The following ATRAID variants were observed in gnomAD, a reference collection of about 807,000 sequenced individuals.
ATRAID encodes all-trans retinoic acid-induced differentiation factor.
Under a neutral mutation model 28.8 loss-of-function variants are expected in ATRAID, and 26 were observed. The observed-to-expected ratio is 0.90, with a 90% CI of 0.66 to 1.25. The LOEUF (loss-of-function observed/expected upper bound fraction) is 1.25. ATRAID is among the 50% of genes most tolerant of loss of function. ATRAID has a pLI of 0.00. For synonymous variants in ATRAID, 131 were observed against 108.5 expected (o/e 1.21, Z -1.29); for missense variants, 308 against 285.9 (o/e 1.08, Z -0.56).
intron 2 of ATRAID, among the ~76,000 whole-genome samples, chr2:27,213,620 C>T (rs1329226177): frequency 2.0e-5 from 3 of 152,172 alleles, no homozygotes; most frequent in Non-Finnish European, 4.4e-5. Flanking sequence ...AGAAAACCAA[C>T]ATTTTCCATT....
Position 27,212,736 on chromosome 2 carries a change from C to T in ATRAID, c.99+269C>T, listed in dbSNP as rs1674636641. ...CTTTAAGTTCTTTCTACAGACGGGT[C>T]CTCTGCCTCTTGTGTAATCTCTCTA... On this transcript the variant is annotated intron_variant, in intron 1 of 6. Coordinates refer to ENST00000380171, the MANE Select transcript of ATRAID (RefSeq NM_001170795.4). 11 of 1,041,146 alleles carry T rather than the reference C, an allele frequency of 1.1e-5. No individual in the cohort carries two copies. The Admixed American group carries it at 1.1e-4, about 11-fold the overall frequency. The allele number at this position is 1,041,146 out of a possible 1,614,324, so 64.5% of individuals were successfully genotyped here.
At position 27,217,085 on chromosome 2, in the gene ATRAID, T is replaced by G. The variant is rs1674880202; in HGVS notation, c.*137T>G. The G allele has an allele frequency of 1.5e-6, 1 of 674,282 alleles. No homozygotes were observed. The highest frequency in any genetic ancestry group is 1.8e-5 in the African/African-American group (1 of 55,426). 41.8% of individuals were successfully genotyped at this position (674,282 alleles called of 1,614,324 possible). On this transcript the variant is annotated 3_prime_UTR_variant, in exon 7 of 7. Transcript: ENST00000380171. ...AGGCCGCCATTGGAAGATGAAAAAT[T>G]GCACTCCCTTGGTGTAGACAAATAC...
chr2:27,212,317 C>T lies in ATRAID; in HGVS notation c.-52C>T. The T allele has an allele frequency of 6.5e-7, 1 of 1,549,060 alleles. No individual in the cohort carries two copies. The highest frequency in any genetic ancestry group is 1.2e-5 in the South Asian group (1 of 83,976). ...GAAGAGGGCCTGACGCGCTGCGGGG[C>T]GGGGCCGCGGGGCCGGGTCGCGCGA... On this transcript the variant is annotated 5_prime_UTR_variant, in exon 1 of 7. Transcript: ENST00000380171.
In ATRAID at chr2:27,212,429, C is replaced by G; in HGVS notation, c.61C>G (p.Leu21Val). ...GGTGCCCTGGGCTGCCGCCCTGCTC[C>G]TCGCTCTGGGCGTGGAAAGGGCTCT... Reference protein sequence around the residue: ...TLVPWAAALLLALGVERALAL... With the variant: ...TLVPWAAALLVALGVERALAL... The change falls in exon 1 of 7, where the codon CTC becomes GTC. Residue 21 changes from leucine to valine, a missense_variant. Leu to Val is a conservative substitution (Grantham distance 32). Transcript: ENST00000380171. 1 of 1,558,398 alleles carries G rather than the reference C, an allele frequency of 6.4e-7. No homozygotes were observed. Among genetic ancestry groups the G allele is most frequent in the African/African-American group, 1.4e-5 (1 of 73,152 alleles).
Position 27,216,864 on chromosome 2 carries a change from GTTC to G in ATRAID, c.610_612del (p.Phe204del), listed in dbSNP as rs1205271918. 1 of 1,614,054 alleles carries G rather than the reference GTTC, an allele frequency of 6.2e-7. No individual in the cohort carries two copies. The highest frequency in any genetic ancestry group is 8.5e-7 in the Non-Finnish European group (1 of 1,180,014). ...CACAGGGCTCGTTCTCACTGCTTAT[GTTC>G]TTCGGGATTCTGGGAGCCACCACTC... On this transcript the variant is annotated inframe_deletion, in exon 7 of 7. Transcript: ENST00000380171.
At chr2:27,215,808 C>G (rs534351267) in intron 5 of ATRAID, 55 bp downstream of exon 5, 22 of 1,595,092 alleles carry the variant, frequency 1.4e-5, no homozygotes, top group Admixed American at 1.2e-4. Flanking sequence ...CTTGTATTTT[C>G]CACTTTAGAT....
intron 2 of ATRAID, among the ~76,000 whole-genome samples, chr2:27,214,134 A>G (rs1409264266): frequency 6.6e-6 from 1 of 152,048 alleles, no homozygotes; most frequent in African/African-American, 2.4e-5. Context: ...GGTTTCTTTT[A>G]TATTGTAATT....
chr2:27,215,559 T>C lies in ATRAID; in HGVS notation c.365+14T>C, dbSNP rs765122904. On this transcript the variant is annotated intron_variant, in intron 4 of 6. Coordinates refer to ENST00000380171, the MANE Select transcript of ATRAID (RefSeq NM_001170795.4). ...GCTCCAGACTCTGTGAGTAAGGGTATGGGAAGAGAATCAAAGAGGGATGAT... is the reference window on the plus strand; with the variant it reads ...GCTCCAGACTCTGTGAGTAAGGGTACGGGAAGAGAATCAAAGAGGGATGAT... 2 of 1,614,186 alleles carry C rather than the reference T, an allele frequency of 1.2e-6. No homozygotes were observed.
chr2:27,212,550 C>T (rs1468031445), intron 1 of ATRAID, 83 bp downstream of exon 1: 2 of 1,495,750 alleles, frequency 1.3e-6, no homozygotes, highest in Non-Finnish European at 1.8e-6. Flanking sequence ...CCCCCTTCTC[C>T]TCGGCGGGCC....
intron 1 of ATRAID, chr2:27,212,713 T>C: frequency 8.0e-7 from 1 of 1,245,588 alleles, no homozygotes; most frequent in African/African-American, 1.6e-5. Flanking sequence ...TAGAATAACT[T>C]TAAGTTCTTT....
At position 27,217,006 on chromosome 2, in the gene ATRAID, G is replaced by GAAGCA; in HGVS notation, c.*58_*59insAAGCA. 1 of 1,443,580 alleles carries GAAGCA rather than the reference G, an allele frequency of 6.9e-7. No individual in the cohort carries two copies. Among genetic ancestry groups the GAAGCA allele is most frequent in the Non-Finnish European group, 9.5e-7 (1 of 1,055,422 alleles). 89.4% of individuals were successfully genotyped at this position (1,443,580 alleles called of 1,614,324 possible). On this transcript the variant is annotated 3_prime_UTR_variant, in exon 7 of 7. Coordinates refer to ENST00000380171, the MANE Select transcript of ATRAID (RefSeq NM_001170795.4). Reference sequence around the variant, plus strand: ...ATCTGAACTATCTTAGCCCAGTCAGGGAGCTCTGCTTCCTAGAAAGGCATC... The same window carrying GAAGCA: ...ATCTGAACTATCTTAGCCCAGTCAGGAAGCAGAGCTCTGCTTCCTAGAAAGGCATC...
chr2:27,212,062 C>T lies in ATRAID; in HGVS notation c.-307C>T, dbSNP rs1270162198. ...GCCCGAGTTTCTGCGAAGCCGCGAC[C>T]TCGGCGTCCGGACGCGGGGAACACC... On this transcript the variant is annotated 5_prime_UTR_variant, in exon 1 of 7. Transcript: ENST00000380171. 2.6e-6 allele frequency: 3 copies of T among 1,167,852 alleles called. No homozygotes were observed. Among genetic ancestry groups the T allele is most frequent in the South Asian group, 3.1e-5 (2 of 63,784 alleles). 72.3% of individuals were successfully genotyped at this position (1,167,852 alleles called of 1,614,324 possible).
intron 1 of ATRAID, chr2:27,212,757 C>T: frequency 3.4e-6 from 3 of 872,684 alleles, no homozygotes; most frequent in East Asian, 3.5e-5. Context: ...TGTGTAATCT[C>T]TCTACGCACG....
rs757858016 is a variant in ATRAID at position 27,213,248 on chromosome 2, G to C, written c.171G>C (p.Glu57Asp). The C allele has an allele frequency of 3.7e-6, 6 of 1,614,062 alleles. No homozygotes were observed. In the East Asian group the frequency reaches 1.1e-4, roughly 30 times the overall value. ...KVAFYCKTTR[E>D]LMLHARCCLN... is the part of the protein sequence containing the mutation. ...CCTTTTATTGTAAAACGACACGAGAGCTAATGCTGCATGCCCGTTGCTGCC... is the reference window on the plus strand; with the variant it reads ...CCTTTTATTGTAAAACGACACGAGACCTAATGCTGCATGCCCGTTGCTGCC... The change falls in exon 2 of 7, where the codon GAG becomes GAC. Residue 57 changes from glutamate to aspartate, a missense_variant. Transcript: ENST00000380171.
chr2:27,216,955 TAG>T lies in ATRAID; in HGVS notation c.*8_*9del. Reference sequence around the variant, plus strand: ...AAAAGCCAAGACTTCATGAACTACATAGGTCTTACCATTGACCTAAGATCAAT... The same window carrying T: ...AAAAGCCAAGACTTCATGAACTACATGTCTTACCATTGACCTAAGATCAAT... On this transcript the variant is annotated 3_prime_UTR_variant, in exon 7 of 7. Transcript: ENST00000380171. 1 of 1,597,350 alleles carries T rather than the reference TAG, an allele frequency of 6.3e-7. No homozygotes were observed. Among genetic ancestry groups the T allele is most frequent in the Non-Finnish European group, 8.6e-7 (1 of 1,165,732 alleles).
At chr2:27,215,293 A>G (rs1674777117) in intron 2 of ATRAID, 28 bp from the exon 3 acceptor site, 3 of 1,608,020 alleles carry the variant, frequency 1.9e-6, no homozygotes. Context: ...AGGAACACAC[A>G]GTTATATTGA....
Position 27,216,978 on chromosome 2 carries a change from T to A in ATRAID, c.*30T>A. 1 of 1,555,060 alleles carries A rather than the reference T, an allele frequency of 6.4e-7. No individual in the cohort carries two copies. The highest frequency in any genetic ancestry group is 8.8e-7 in the Non-Finnish European group (1 of 1,132,164). ...CATAGGTCTTACCATTGACCTAAGA[T>A]CAATCTGAACTATCTTAGCCCAGTC... On this transcript the variant is annotated 3_prime_UTR_variant, in exon 7 of 7. Transcript: ENST00000380171.
chr2:27,213,159 T>TTTC lies in ATRAID; in HGVS notation c.100-15_100-13dup, dbSNP rs1329566321. ...GGCTTTTCTTTCTGGAGTTCTAATG[T>TTTC]TTCTTTCTCTTCTGCAGATATGCAC... On this transcript the variant is annotated splice_polypyrimidine_tract_variant and intron_variant, in intron 1 of 6. Coordinates refer to ENST00000380171, the MANE Select transcript of ATRAID (RefSeq NM_001170795.4). The TTTC allele has an allele frequency of 2.5e-6, 4 of 1,607,850 alleles. No homozygotes were observed. Among genetic ancestry groups the TTTC allele is most frequent in the Non-Finnish European group, 3.4e-6 (4 of 1,175,746 alleles).
intron 2 of ATRAID, among the ~76,000 whole-genome samples, chr2:27,213,931 C>G (rs1001449501): frequency 6.6e-6 from 1 of 152,044 alleles, no homozygotes; most frequent in Admixed American, 6.6e-5. Flanking sequence ...CAGAGTAATA[C>G]CTTTTTTAAA....
Sources: allele counts gnomAD v4.1 joint callset (sites outside exome capture counted in the v4.1 genomes callset), GRCh38; gene constraint gnomAD v4.1.1; transcripts MANE v1.5; gene names NCBI Gene and HGNC (gene_info 2026-07-23, HGNC 2026-07-21).